SAMMSON: variants seen among roughly 807,000 people sequenced by gnomAD.
SAMMSON encodes long intergenic non-protein coding RNA 1212.
At chr3:70,169,631 G>A (rs2067653779) in intron 4 of SAMMSON, among the ~76,000 whole-genome samples, 1 of 125,494 alleles carries the variant, frequency 8.0e-6, no homozygotes. Flanking sequence ...GTTTAGAGAG[G>A]TCTTTTCTTT....
intron 6 of SAMMSON, among the ~76,000 whole-genome samples, chr3:70,260,818 C>T (rs1337650328): frequency 6.6e-6 from 1 of 152,094 alleles, no homozygotes; most frequent in African/African-American, 2.4e-5. Context: ...GGTTCCCAGA[C>T]ATCTGCCCAC....
intron 4 of SAMMSON, among the ~76,000 whole-genome samples, chr3:70,246,193 A>G (rs1701707146): frequency 6.6e-6 from 1 of 152,076 alleles, no homozygotes; most frequent in Admixed American, 6.6e-5. Flanking sequence ...AGATTCTTGG[A>G]ATAGTACATC....
chr3:70,207,028 T>A (rs1701297939), intron 4 of SAMMSON, among the ~76,000 whole-genome samples: 2 of 143,118 alleles, frequency 1.4e-5, no homozygotes, highest in Non-Finnish European at 3.0e-5. Context: ...TAACACTTAT[T>A]TCTACTTTTT....
At chr3:70,419,612 A>G (rs1701295548) in intron 2 of SAMMSON, among the ~76,000 whole-genome samples, 1 of 152,116 alleles carries the variant, frequency 6.6e-6, no homozygotes, top group Non-Finnish European at 1.5e-5. Context: ...AACATGTGGA[A>G]ACCCCACTAC....
At chr3:70,181,700 A>G (rs2106705776) in intron 4 of SAMMSON, among the ~76,000 whole-genome samples, 1 of 152,336 alleles carries the variant, frequency 6.6e-6, no homozygotes, top group East Asian at 1.9e-4. Flanking sequence ...AAACATGATC[A>G]CAAGATTCCA....
At chr3:70,248,342 T>C (rs1283878012) in intron 4 of SAMMSON, among the ~76,000 whole-genome samples, 1 of 152,010 alleles carries the variant, frequency 6.6e-6, no homozygotes, top group African/African-American at 2.4e-5. Context: ...AGTTTATAAA[T>C]GGAGAAAAAA....
At chr3:70,280,000 A>T (rs962096878) in intron 6 of SAMMSON, among the ~76,000 whole-genome samples, 2 of 151,512 alleles carry the variant, frequency 1.3e-5, no homozygotes, top group African/African-American at 4.9e-5. Flanking sequence ...GTGGTTTAAA[A>T]CTCTCCCAGT....
intron 9 of SAMMSON, among the ~76,000 whole-genome samples, chr3:70,373,054 G>C (rs67076955): frequency 6.6e-6 from 1 of 152,012 alleles, no homozygotes; most frequent in Non-Finnish European, 1.5e-5. Flanking sequence ...AGTAGAAAAT[G>C]TATTACCCAC....
At chr3:70,035,607 C>T (rs2067082429) in intron 3 of SAMMSON, among the ~76,000 whole-genome samples, 1 of 152,172 alleles carries the variant, frequency 6.6e-6, no homozygotes, top group African/African-American at 2.4e-5. Flanking sequence ...CTGACTAGAC[C>T]ATCACAGCCT....
At chr3:70,233,400 A>G (rs1701579597) in intron 4 of SAMMSON, among the ~76,000 whole-genome samples, 1 of 152,190 alleles carries the variant, frequency 6.6e-6, no homozygotes, top group Admixed American at 6.5e-5. Context: ...ACAGGTATCT[A>G]ATATCTCATT....
Position 70,168,291 on chromosome 3 carries a change from G to A in SAMMSON, n.508-80816G>A, listed in dbSNP as rs1204527414. On this transcript the variant is annotated intron_variant and non_coding_transcript_variant, in intron 4 of 9. Transcript: ENST00000642114. ...GAATGACTGTGTAGTTGGTTCCAAG[G>A]GAATTAAGGGAGGAAGGGGTGACAG... is the stretch of plus-strand genomic sequence containing the variant. Among the ~76,000 whole-genome samples, 4 of 152,014 alleles carry A rather than the reference G, an allele frequency of 2.6e-5. No homozygotes were observed. In the East Asian group the frequency reaches 7.8e-4, roughly 30 times the overall value.
chr3:70,357,385 CAT>C (rs1302182229), intron 8 of SAMMSON, among the ~76,000 whole-genome samples: 2 of 152,102 alleles, frequency 1.3e-5, no homozygotes, highest in African/African-American at 2.4e-5. Flanking sequence ...AATTTACTAA[CAT>C]AGTGCTTTTA....
At chr3:70,006,225 T>C (rs143572623) in intron 1 of SAMMSON, among the ~76,000 whole-genome samples, 4 of 152,322 alleles carry the variant, frequency 2.6e-5, no homozygotes, top group East Asian at 3.9e-4. Context: ...ATATGTCTTA[T>C]CAGTTTGCGT....
chr3:70,272,303 GC>G (rs11308078), intron 6 of SAMMSON: 49,513 of 151,948 alleles, frequency 0.33, 8,549 homozygotes, highest in East Asian at 0.49. Flanking sequence ...TTACCAGCCA[GC>G]CCCCAGGCAA....
intron 2 of SAMMSON, among the ~76,000 whole-genome samples, chr3:70,421,727 C>T (rs1283154048): frequency 6.6e-6 from 1 of 152,098 alleles, no homozygotes; most frequent in Non-Finnish European, 1.5e-5. Flanking sequence ...TGAAAATTAT[C>T]TTCATCAGTG....
intron 4 of SAMMSON, among the ~76,000 whole-genome samples, chr3:70,210,903 A>G (rs1701336942): frequency 6.6e-6 from 1 of 152,156 alleles, no homozygotes; most frequent in African/African-American, 2.4e-5. Flanking sequence ...ACTGTTGAGC[A>G]AATGTTATTA....
intron 3 of SAMMSON, among the ~76,000 whole-genome samples, chr3:70,045,041 TAATA>T (rs1424680088): frequency 1.6e-5 from 2 of 123,928 alleles, no homozygotes; most frequent in Admixed American, 1.9e-4. Flanking sequence ...ATATTATAAT[TAATA>T]TATATAATTA....
intron 6 of SAMMSON, among the ~76,000 whole-genome samples, chr3:70,290,301 C>A (rs930301783): frequency 6.6e-6 from 1 of 151,992 alleles, no homozygotes; most frequent in Non-Finnish European, 1.5e-5. Flanking sequence ...AGCTGCAGGT[C>A]TGTTGGAGTA....
chr3:70,374,595 A>G (rs543391119), intron 9 of SAMMSON, among the ~76,000 whole-genome samples: 1 of 152,148 alleles, frequency 6.6e-6, no homozygotes, highest in East Asian at 1.9e-4. Context: ...CTTGGTTGGG[A>G]AGGTGTCTAG....
Sources: gnomAD v4.1 joint callset for allele counts (sites outside exome capture counted in the v4.1 genomes callset) on GRCh38, gnomAD v4.1.1 for gene constraint, MANE v1.5 for transcripts, NCBI Gene and HGNC (gene_info 2026-07-23, HGNC 2026-07-21) for gene names.